Variants in ZNF800 observed in about 807,000 individuals in gnomAD.
ZNF800 encodes zinc finger protein 800.
ZNF800 carries 13 observed loss-of-function variants against 59.5 expected under a neutral mutation model. That is an observed-to-expected ratio of 0.22 (90% CI 0.14 to 0.35). The LOEUF (loss-of-function observed/expected upper bound fraction) is 0.35, where lower values mean the gene tolerates loss of function less well. Among genes scored for constraint, ZNF800 ranks in the 10% least tolerant of loss-of-function variants. ZNF800 has a pLI of 1.00. For synonymous variants in ZNF800, 266 were observed against 265.7 expected, an observed-to-expected ratio of 1.00 and a Z score of -0.01; for missense variants, 621 against 783.7, an observed-to-expected ratio of 0.79 and a Z score of 2.48.
chr7:127,353,834 A>G (rs1218095784), intron 1 of ZNF800, among the ~76,000 whole-genome samples: 1 of 68,840 alleles, frequency 1.5e-5, no homozygotes, highest in African/African-American at 5.2e-5. Context: ...TTGCACTGAT[A>G]GATAAGCTGG....
intron 1 of ZNF800, among the ~76,000 whole-genome samples, chr7:127,352,680 CAAATT>C (rs1465695758): frequency 3.9e-5 from 6 of 152,182 alleles, no homozygotes; most frequent in Non-Finnish European, 8.8e-5. Context: ...CTTCCCATCT[CAAATT>C]AAAGAACTGA....
At chr7:127,379,836 A>ACCCCCCAC (rs1800905580) in intron 3 of ZNF800, among the ~76,000 whole-genome samples, 1 of 27,636 alleles carries the variant, frequency 3.6e-5, no homozygotes, top group African/African-American at 1.5e-4. Flanking sequence ...TACCCTTGCC[A>ACCCCCCAC]CCCCCCCACC....
intron 1 of ZNF800, chr7:127,362,625 G>C (rs1015994951): frequency 6.6e-6 from 1 of 152,020 alleles, no homozygotes; most frequent in Non-Finnish European, 1.5e-5. Flanking sequence ...ACTCTCCCCA[G>C]TCCCTTACAT....
intron 1 of ZNF800, among the ~76,000 whole-genome samples, chr7:127,348,974 A>G (rs1800122287): frequency 6.6e-6 from 1 of 152,180 alleles, no homozygotes; most frequent in Non-Finnish European, 1.5e-5. Context: ...ATTACAGAAG[A>G]GTTTATTGCT....
chr7:127,368,430 T>C (rs1404936062), downstream of ZNF800, among the ~76,000 whole-genome samples: 2 of 152,146 alleles, frequency 1.3e-5, no homozygotes, highest in East Asian at 3.9e-4. Context: ...AATATCCTGC[T>C]GCACATATCT....
chr7:127,345,779 A>C (rs894239589), downstream of ZNF800, among the ~76,000 whole-genome samples: 4 of 152,154 alleles, frequency 2.6e-5, no homozygotes, highest in Admixed American at 2.6e-4. Context: ...TCTATCAAAA[A>C]CGTATTGGAG....
intron 1 of ZNF800, among the ~76,000 whole-genome samples, chr7:127,351,702 T>C (rs1305092888): frequency 6.6e-6 from 1 of 152,152 alleles, no homozygotes; most frequent in Non-Finnish European, 1.5e-5. Flanking sequence ...AATCCTACAT[T>C]TACCCATGGA....
In ZNF800 at chr7:127,374,187, C is replaced by G. The variant is rs577187635; in HGVS notation, c.1149G>C (p.Lys383Asn). The G allele has an allele frequency of 3.7e-6, 6 of 1,614,056 alleles. No individual in the cohort carries two copies. In the African/African-American group the frequency reaches 8.0e-5, roughly 22 times the overall value. The change falls in exon 5 of 6, where the codon AAG becomes AAC. Residue 383 changes from lysine to asparagine, a missense_variant. Coordinates refer to ENST00000265827, the MANE Select transcript of ZNF800 (RefSeq NM_176814.5). ...MLKRHMQIVH[K>N]ITLSGTNSKR... ...TAGAGTTTGTTCCAGAAAGAGTTAT[C>G]TTGTGGACAATTTGCATATGTCTTT...
intron 1 of ZNF800, among the ~76,000 whole-genome samples, chr7:127,352,402 G>A (rs1252937537): frequency 6.6e-6 from 1 of 152,176 alleles, no homozygotes; most frequent in Non-Finnish European, 1.5e-5. Flanking sequence ...GAAAAGAAAT[G>A]AAGAAAGCAA....
At chr7:127,391,010 G>A (rs1428641740) in intron 2 of ZNF800, among the ~76,000 whole-genome samples, 1 of 152,138 alleles carries the variant, frequency 6.6e-6, no homozygotes, top group Non-Finnish European at 1.5e-5. Context: ...GTTGCGCTTA[G>A]CAAAACCTGA....
intron 3 of ZNF800, among the ~76,000 whole-genome samples, chr7:127,378,010 T>C (rs1800835706): frequency 6.6e-6 from 1 of 152,046 alleles, no homozygotes; most frequent in African/African-American, 2.4e-5. Context: ...TATAAATTTA[T>C]TCAAAGCCTT....
chr7:127,344,757 C>G (rs1308496900), downstream of ZNF800, among the ~76,000 whole-genome samples: 1 of 151,992 alleles, frequency 6.6e-6, no homozygotes, highest in Non-Finnish European at 1.5e-5. Flanking sequence ...ATTTTTAAAA[C>G]AGTAGAAAAG....
At chr7:127,375,342 A>G (rs1235989172) in intron 4 of ZNF800, among the ~76,000 whole-genome samples, 2 of 152,144 alleles carry the variant, frequency 1.3e-5, no homozygotes, top group Non-Finnish European at 2.9e-5. Flanking sequence ...AATAAAAATG[A>G]TATTTCATAT....
intron 1 of ZNF800, chr7:127,350,490 C>G (rs1474963359): frequency 6.6e-6 from 1 of 152,178 alleles, no homozygotes; most frequent in African/African-American, 2.4e-5. Flanking sequence ...CCTATGGCAA[C>G]AAGTGCTGAA....
intron 1 of ZNF800, among the ~76,000 whole-genome samples, chr7:127,353,453 G>A (rs1800208511): frequency 6.6e-6 from 1 of 152,160 alleles, no homozygotes; most frequent in Non-Finnish European, 1.5e-5. Flanking sequence ...TGAACATCAA[G>A]AATATGATCT....
At chr7:127,391,180 C>G (rs1342967972) in intron 2 of ZNF800, among the ~76,000 whole-genome samples, 1 of 152,134 alleles carries the variant, frequency 6.6e-6, no homozygotes, top group Non-Finnish European at 1.5e-5. Context: ...GTTTTCCTTT[C>G]TCTTCAATTT....
chr7:127,367,782 G>T (rs1280148045), downstream of ZNF800, among the ~76,000 whole-genome samples: 1 of 152,048 alleles, frequency 6.6e-6, no homozygotes, highest in Non-Finnish European at 1.5e-5. Flanking sequence ...AAGTGTCTTG[G>T]TATACATGAA....
chr7:127,379,859 C>CCA (rs1414582836), intron 3 of ZNF800, among the ~76,000 whole-genome samples: 59 of 79,010 alleles, frequency 7.5e-4, no homozygotes, highest in African/African-American at 2.5e-3. Flanking sequence ...CCCACCCCCC[C>CCA]CACACACACA....
intron 3 of ZNF800, among the ~76,000 whole-genome samples, chr7:127,379,099 A>G (rs1241838873): frequency 1.3e-5 from 2 of 152,170 alleles, no homozygotes; most frequent in South Asian, 2.1e-4. Context: ...CAGAAAACAT[A>G]AATTTAAAAA....
Sources: gnomAD v4.1 joint callset for allele counts (sites outside exome capture counted in the v4.1 genomes callset) on GRCh38, gnomAD v4.1.1 for gene constraint, MANE v1.5 for transcripts, NCBI Gene and HGNC (gene_info 2026-07-23, HGNC 2026-07-21) for gene names.